Variants in MTAP observed in about 807,000 individuals in gnomAD.
MTAP encodes S-methyl-5'-thioadenosine phosphorylase.
MTAP carries 33 observed loss-of-function variants against 33.6 expected under a neutral mutation model. That is an observed-to-expected ratio of 0.98 (90% CI 0.74 to 1.31). MTAP has a LOEUF of 1.31. Ranked by LOEUF, MTAP falls within the 40% of genes most tolerant of loss-of-function variation. The probability of loss-of-function intolerance (pLI) is 0.00; values close to 1 mark genes in which losing one functional copy is unlikely to be tolerated. For synonymous variants in MTAP, 148 were observed against 125.7 expected (o/e 1.18, Z -1.19); for missense variants, 367 against 360.0 (o/e 1.02, Z -0.16).
intron 5 of MTAP, among the ~76,000 whole-genome samples, chr9:21,841,915 C>A (rs1825257455): frequency 6.6e-6 from 1 of 152,176 alleles, no homozygotes; most frequent in Non-Finnish European, 1.5e-5. Flanking sequence ...AGCAATGGAT[C>A]CAAACCAAGA....
intron 4 of MTAP, among the ~76,000 whole-genome samples, chr9:21,819,653 C>G (rs945105051): frequency 6.6e-6 from 1 of 152,170 alleles, no homozygotes; most frequent in African/African-American, 2.4e-5. Context: ...TGGGTATATA[C>G]CCAGTAATGG....
chr9:21,849,179 G>A (rs7036197), intron 5 of MTAP, among the ~76,000 whole-genome samples: 3 of 151,908 alleles, frequency 2.0e-5, no homozygotes, highest in Non-Finnish European at 2.9e-5. Flanking sequence ...GCCAGGTCCC[G>A]TTGAGGAAGG....
At chr9:21,882,590 T>G (rs1343989518) in intron 1 of MTAP, among the ~76,000 whole-genome samples, 2 of 151,978 alleles carry the variant, frequency 1.3e-5, no homozygotes, top group African/African-American at 4.8e-5. Context: ...GACAGAGAGC[T>G]TAAGGTTTGA....
intron 7 of MTAP, chr9:21,860,679 G>A (rs1301121003): frequency 1.3e-5 from 2 of 152,184 alleles, no homozygotes; most frequent in Admixed American, 6.5e-5. Flanking sequence ...ACGCATGTTG[G>A]TTTGCCAGAA....
At chr9:21,870,166 G>T (rs368329106), downstream of MTAP, among the ~76,000 whole-genome samples, 3 of 152,154 alleles carry the variant, frequency 2.0e-5, no homozygotes, top group Non-Finnish European at 4.4e-5. Context: ...CCCAAACATC[G>T]TATTTTAACA....
At chr9:21,808,691 T>C (rs1007406913) in intron 1 of MTAP, 4 of 152,076 alleles carry the variant, frequency 2.6e-5, no homozygotes, top group African/African-American at 7.3e-5. Flanking sequence ...AAAATTAACA[T>C]GTGTATCGGG....
Position 21,863,230 on chromosome 9 carries a change from A to C in MTAP, c.*1216A>C. 1.0e-6 allele frequency: 1 copy of C among 971,328 alleles called. No individual in the cohort carries two copies. The allele number at this position is 971,328 out of a possible 1,614,324, so 60.2% of individuals were successfully genotyped here. A position where few individuals can be genotyped will look rare whatever the true frequency, so the allele number is the denominator to read the frequency against. On this transcript the variant is annotated 3_prime_UTR_variant, in exon 8 of 8. Transcript: ENST00000644715. ...GATTCTCCTTTTTATGAGTTAAATTATTTTATACGAGTTGGTAATTTTTGC... is the reference window on the plus strand; with the variant it reads ...GATTCTCCTTTTTATGAGTTAAATTCTTTTATACGAGTTGGTAATTTTTGC...
chr9:21,842,068 A>T (rs1825260737), intron 5 of MTAP, among the ~76,000 whole-genome samples: 1 of 152,214 alleles, frequency 6.6e-6, no homozygotes, highest in African/African-American at 2.4e-5. Flanking sequence ...GCAGAGAAAT[A>T]TCATAAAGAA....
chr9:21,803,984 T>C (rs1289127678), intron 1 of MTAP, among the ~76,000 whole-genome samples: 3 of 152,200 alleles, frequency 2.0e-5, no homozygotes, highest in Non-Finnish European at 1.5e-5. Flanking sequence ...GAAAAGAATC[T>C]TGCATCCAGC....
chr9:21,933,492 C>G (rs1818996211), downstream of MTAP: 1 of 152,208 alleles, frequency 6.6e-6, no homozygotes. Context: ...ACCCTGTCTC[C>G]TCTAGGACCT....
chr9:21,935,157 GAATAGAATTC>G (rs1819022396), downstream of MTAP: 1 of 152,120 alleles, frequency 6.6e-6, no homozygotes, highest in African/African-American at 2.4e-5. Flanking sequence ...TTGAATTATA[GAATAGAATTC>G]AATTGAATTC....
At chr9:21,825,060 A>T (rs1464543344) in intron 4 of MTAP, among the ~76,000 whole-genome samples, 1 of 151,996 alleles carries the variant, frequency 6.6e-6, no homozygotes, top group Non-Finnish European at 1.5e-5. Flanking sequence ...AGGTGAGGCG[A>T]TGCCTCACCC....
At chr9:21,853,130 A>T (rs929977523) in intron 5 of MTAP, among the ~76,000 whole-genome samples, 1 of 152,132 alleles carries the variant, frequency 6.6e-6, no homozygotes, top group East Asian at 1.9e-4. Flanking sequence ...CCTCATAAGC[A>T]TGGTACCTAT....
intron 1 of MTAP, among the ~76,000 whole-genome samples, chr9:21,805,001 G>T (rs1824171836): frequency 6.6e-6 from 1 of 152,216 alleles, no homozygotes; most frequent in South Asian, 2.1e-4. Context: ...AGGGTATGCA[G>T]AAAGCAGGCT....
chr9:21,869,399 T>G (rs932019660), downstream of MTAP, among the ~76,000 whole-genome samples: 1 of 152,170 alleles, frequency 6.6e-6, no homozygotes, highest in Non-Finnish European at 1.5e-5. Flanking sequence ...TGATAAGTTT[T>G]CTTTACTTGG....
At chr9:21,806,272 T>G (rs1210314002) in intron 1 of MTAP, among the ~76,000 whole-genome samples, 1 of 151,780 alleles carries the variant, frequency 6.6e-6, no homozygotes, top group African/African-American at 2.4e-5. Flanking sequence ...GGGATAGAAT[T>G]TGCAGGTAGA....
intron 5 of MTAP, among the ~76,000 whole-genome samples, chr9:21,851,202 ACAAC>A (rs1016852696): frequency 6.6e-5 from 10 of 152,340 alleles, no homozygotes; most frequent in African/African-American, 2.4e-4. Flanking sequence ...GGAAAAAACC[ACAAC>A]CTACTGAGGT....
chr9:21,887,427 C>T (rs1364732820), intron 1 of MTAP, among the ~76,000 whole-genome samples: 2 of 152,144 alleles, frequency 1.3e-5, no homozygotes, highest in African/African-American at 4.8e-5. Context: ...CATGTCCCTA[C>T]AAAGGACATG....
intron 1 of MTAP, among the ~76,000 whole-genome samples, chr9:21,873,617 A>C (rs10965171): frequency 0.38 from 41,380 of 108,226 alleles, 7,768 homozygotes; most frequent in East Asian, 0.61. Flanking sequence ...CCCGCCCCCC[A>C]CCCCAAGAAC....
Sources: allele counts gnomAD v4.1 joint callset (sites outside exome capture counted in the v4.1 genomes callset), GRCh38; gene constraint gnomAD v4.1.1; transcripts MANE v1.5; gene names NCBI Gene and HGNC (gene_info 2026-07-23, HGNC 2026-07-21).